Variants in EPHA4 observed in about 807,000 individuals in gnomAD.
The protein encoded by EPHA4 is EPH receptor A4, also known as ephrin type-A receptor 4.
EPHA4 carries 19 observed loss-of-function variants against 108.3 expected under a neutral mutation model. That is an observed-to-expected ratio of 0.18 (90% CI 0.12 to 0.26). The LOEUF (loss-of-function observed/expected upper bound fraction) is 0.26, where lower values mean the gene tolerates loss of function less well. Among genes scored for constraint, EPHA4 ranks in the 10% least tolerant of loss-of-function variants. EPHA4 has a pLI of 1.00. For synonymous variants in EPHA4, 449 were observed against 455.5 expected (o/e 0.99, Z 0.18); for missense variants, 917 against 1,254.0 (o/e 0.73, Z 4.06).
chr2:221,524,915 A>T (rs1044140630), intron 3 of EPHA4, among the ~76,000 whole-genome samples: 1 of 152,222 alleles, frequency 6.6e-6, no homozygotes, highest in Non-Finnish European at 1.5e-5. Flanking sequence ...TTTCCAAGTA[A>T]CAATTATATT....
At chr2:221,450,453 G>A (rs1239761815) in intron 8 of EPHA4, among the ~76,000 whole-genome samples, 15 of 152,178 alleles carry the variant, frequency 9.9e-5, no homozygotes, top group Admixed American at 9.8e-4. Context: ...GCAGAGTCTT[G>A]AAGCTTTGGT....
At chr2:221,434,375 A>T in intron 13 of EPHA4, 84 bp from the exon 14 acceptor site, 12 of 1,428,710 alleles carry the variant, frequency 8.4e-6, no homozygotes, top group Non-Finnish European at 1.1e-5. Flanking sequence ...CCTGCTAGCC[A>T]AGCAGGACAA....
At chr2:221,450,630 T>C (rs1014764807) in intron 8 of EPHA4, among the ~76,000 whole-genome samples, 9 of 152,194 alleles carry the variant, frequency 5.9e-5, no homozygotes, top group African/African-American at 2.2e-4. Context: ...TTAATCTCTT[T>C]AGGCCTCCAG....
At chr2:221,508,569 ACT>A (rs541878637) in intron 3 of EPHA4, among the ~76,000 whole-genome samples, 2 of 146,228 alleles carry the variant, frequency 1.4e-5, no homozygotes, top group Admixed American at 1.4e-4. Context: ...ACAGAGTGAG[ACT>A]CTGTCTCAAA....
chr2:221,460,006 G>C (rs946624697), intron 5 of EPHA4, among the ~76,000 whole-genome samples: 20 of 152,114 alleles, frequency 1.3e-4, no homozygotes, highest in Non-Finnish European at 2.5e-4. Flanking sequence ...TTAAACTGCT[G>C]CATATGGGAA....
intron 3 of EPHA4, among the ~76,000 whole-genome samples, chr2:221,522,735 C>CTAT (rs6147191): frequency 0.017 from 2,519 of 148,674 alleles, 34 homozygotes; most frequent in South Asian, 0.049. Flanking sequence ...AAATAAAATC[C>CTAT]TATTATTATT....
rs1230057663 is a variant in EPHA4, at chr2:221,418,389, T to C, written c.*2983A>G. The C allele has an allele frequency of 6.6e-6, 1 of 152,640 alleles. No homozygotes were observed. Among genetic ancestry groups the C allele is most frequent in the Non-Finnish European group, 1.5e-5 (1 of 68,034 alleles). 9.5% of individuals were successfully genotyped at this position (152,640 alleles called of 1,614,324 possible). ...TACAAAAAATAAACGCACTCTTCAG[T>C]GTGTATCAATGCTTGATGTTGTTTG... On this transcript the variant is annotated 3_prime_UTR_variant, in exon 18 of 18. Transcript: ENST00000281821.
At chr2:221,497,975 C>A (rs917388020) in intron 4 of EPHA4, among the ~76,000 whole-genome samples, 9 of 152,048 alleles carry the variant, frequency 5.9e-5, no homozygotes, top group African/African-American at 2.2e-4. Context: ...CTCTTCTTCC[C>A]CTTTGCATCC....
intron 8 of EPHA4, 96 bp downstream of exon 8, chr2:221,455,451 C>A: frequency 1.1e-6 from 1 of 926,876 alleles, no homozygotes; most frequent in South Asian, 1.5e-5. Context: ...AAGTTTATGA[C>A]GCAATCAAAA....
At chr2:221,481,298 G>C (rs1691809152) in intron 5 of EPHA4, among the ~76,000 whole-genome samples, 1 of 152,152 alleles carries the variant, frequency 6.6e-6, no homozygotes, top group Non-Finnish European at 1.5e-5. Context: ...AGTGATGTAG[G>C]AATTGGAGGA....
intron 3 of EPHA4, among the ~76,000 whole-genome samples, chr2:221,504,182 G>A (rs949967098): frequency 6.6e-6 from 1 of 152,070 alleles, no homozygotes; most frequent in Admixed American, 6.6e-5. Flanking sequence ...TATTTCCACC[G>A]AAGTTTCACT....
At chr2:221,462,525 T>C (rs1391569520) in intron 5 of EPHA4, among the ~76,000 whole-genome samples, 1 of 152,118 alleles carries the variant, frequency 6.6e-6, no homozygotes, top group African/African-American at 2.4e-5. Context: ...TTTTACATAT[T>C]AAAATTTATC....
chr2:221,472,416 G>A (rs1691517096), intron 5 of EPHA4, among the ~76,000 whole-genome samples: 1 of 151,730 alleles, frequency 6.6e-6, no homozygotes, highest in Admixed American at 6.6e-5. Flanking sequence ...CCCCTTTTCA[G>A]TGTTTGTGCT....
intron 4 of EPHA4, 81 bp downstream of exon 4, chr2:221,500,936 G>C: frequency 7.1e-7 from 1 of 1,410,078 alleles, no homozygotes; most frequent in Non-Finnish European, 9.4e-7. Context: ...GATTATCCCA[G>C]GAGAAGACCT....
At position 221,509,328 on chromosome 2, in the gene EPHA4, C is replaced by T. The variant is rs191368397; in HGVS notation, c.824-8156G>A. On this transcript the variant is annotated intron_variant, in intron 3 of 17. Coordinates refer to ENST00000281821, the MANE Select transcript of EPHA4 (RefSeq NM_004438.5). ...GGGCAACAAGAGCAAAACTCTGCCT[C>T]AAAAAACCACAACAACAACAATTAC... is the stretch of plus-strand genomic sequence containing the variant. 2.7e-3 allele frequency among the ~76,000 whole-genome samples: 406 copies of T among 152,250 alleles called. 4 individuals are homozygous for T. The highest frequency in any genetic ancestry group is 9.4e-3 in the African/African-American group (389 of 41,548).
At chr2:221,525,765 G>A (rs1387686294) in intron 3 of EPHA4, among the ~76,000 whole-genome samples, 2 of 152,148 alleles carry the variant, frequency 1.3e-5, no homozygotes, top group African/African-American at 4.8e-5. Context: ...CCCTTACAGG[G>A]AAGAACTGAG....
intron 3 of EPHA4, among the ~76,000 whole-genome samples, chr2:221,535,013 T>C (rs1460987267): frequency 6.6e-6 from 1 of 152,254 alleles, no homozygotes; most frequent in Non-Finnish European, 1.5e-5. Context: ...CTGCACGTTC[T>C]CCATCGCTAT....
Position 221,442,907 on chromosome 2 carries a change from C to G in EPHA4, c.1996G>C (p.Asp666His). The change falls in exon 11 of 18, where the codon GAC (aspartate) becomes CAC (histidine). Residue 666 changes from aspartate (D) to histidine (H), a missense_variant. Asp to His is a moderately conservative substitution (Grantham distance 81). Transcript: ENST00000281821. ...KAGYTDKQRRDFLSEASIMGQ... is the reference protein window; with the variant it reads ...KAGYTDKQRRHFLSEASIMGQ... ...ATGATGCTGGCCTCACTCAGGAAGT[C>G]TCTCCTCTGTTTGTCTGTATAACCA... The G allele has an allele frequency of 6.2e-7, 1 of 1,614,180 alleles. No individual in the cohort carries two copies. The highest frequency in any genetic ancestry group is 8.5e-7 in the Non-Finnish European group (1 of 1,180,034).
chr2:221,436,824 C>G (rs531032158), intron 12 of EPHA4, among the ~76,000 whole-genome samples: 5 of 152,288 alleles, frequency 3.3e-5, no homozygotes, highest in African/African-American at 1.2e-4. Context: ...AATTATCCAA[C>G]TGTAATGAAT....
Sources: allele counts gnomAD v4.1 joint callset (sites outside exome capture counted in the v4.1 genomes callset), GRCh38; gene constraint gnomAD v4.1.1; transcripts MANE v1.5; gene names NCBI Gene and HGNC (gene_info 2026-07-23, HGNC 2026-07-21).